Variants in CAMTA1 observed in about 807,000 individuals in gnomAD.
The protein encoded by CAMTA1 is calmodulin binding transcription activator 1, also known as calmodulin-binding transcription activator 1.
A neutral mutation model predicts 170.9 loss-of-function variants in CAMTA1; 27 were observed. The observed-to-expected ratio is 0.16, with a 90% CI of 0.12 to 0.22. CAMTA1 has a LOEUF of 0.22. Ranked by LOEUF, CAMTA1 falls within the 10% of genes least tolerant of loss-of-function variation. The probability of loss-of-function intolerance (pLI) is 1.00; values close to 1 mark genes in which losing one functional copy is unlikely to be tolerated. For synonymous variants in CAMTA1, 833 were observed against 891.5 expected, an observed-to-expected ratio of 0.93 and a Z score of 1.17; for missense variants, 1,619 against 2,217.2, an observed-to-expected ratio of 0.73 and a Z score of 5.42.
At chr1:7,061,973 A>T (rs1708285273) in intron 3 of CAMTA1, among the ~76,000 whole-genome samples, 1 of 152,170 alleles carries the variant, frequency 6.6e-6, no homozygotes, top group South Asian at 2.1e-4. Context: ...GCTGGAGTGA[A>T]GTGGCACGAT....
chr1:7,322,860 T>A (rs1397137299), intron 5 of CAMTA1, among the ~76,000 whole-genome samples: 1 of 152,180 alleles, frequency 6.6e-6, no homozygotes, highest in African/African-American at 2.4e-5. Flanking sequence ...ACTTCATTGA[T>A]CCCTTCTCTT....
chr1:7,150,989 G>A (rs779163216), intron 4 of CAMTA1, among the ~76,000 whole-genome samples: 1 of 152,168 alleles, frequency 6.6e-6, no homozygotes, highest in Non-Finnish European at 1.5e-5. Flanking sequence ...TTGTTTACAG[G>A]GCGAAAATTA....
chr1:7,116,324 G>T (rs763505586), intron 4 of CAMTA1, among the ~76,000 whole-genome samples: 1 of 152,216 alleles, frequency 6.6e-6, no homozygotes, highest in Non-Finnish European at 1.5e-5. Flanking sequence ...ACCTATAAGT[G>T]AGTATGGACT....
At chr1:7,505,015 G>A (rs1049432683) in intron 6 of CAMTA1, among the ~76,000 whole-genome samples, 4 of 151,392 alleles carry the variant, frequency 2.6e-5, no homozygotes, top group Non-Finnish European at 4.4e-5. Flanking sequence ...CTTCACGGGC[G>A]GACATGGCAC....
chr1:7,076,128 A>G (rs1558061349), intron 3 of CAMTA1, among the ~76,000 whole-genome samples: 1 of 152,210 alleles, frequency 6.6e-6, no homozygotes, highest in Non-Finnish European at 1.5e-5. Flanking sequence ...AGGATAATGC[A>G]TCAGGGTTCC....
chr1:6,868,608 C>T lies in CAMTA1; in HGVS notation c.234+43398C>T, dbSNP rs545659618. On this transcript the variant is annotated intron_variant, in intron 3 of 22. Transcript: ENST00000303635. ...GTTTAGTTGAGAAGTGAACCAATTC[C>T]CTGTGCTTAAAGTACTACTCCTTGG... Among the ~76,000 whole-genome samples the T allele has an allele frequency of 6.8e-4, 103 of 152,132 alleles. 3 individuals are homozygous for T. In the South Asian group the frequency reaches 0.021, roughly 31 times the overall value.
intron 3 of CAMTA1, among the ~76,000 whole-genome samples, chr1:7,040,277 C>A (rs1704233186): frequency 6.6e-6 from 1 of 151,778 alleles, no homozygotes; most frequent in Non-Finnish European, 1.5e-5. Flanking sequence ...AATGCCAGGG[C>A]TACAGAGATG....
chr1:7,296,597 C>T (rs12124977), intron 5 of CAMTA1, among the ~76,000 whole-genome samples: 1 of 152,006 alleles, frequency 6.6e-6, no homozygotes, highest in South Asian at 2.1e-4. Flanking sequence ...AGTTGGGTGC[C>T]TAAGAAACTG....
At chr1:7,021,797 T>C (rs931165365) in intron 3 of CAMTA1, among the ~76,000 whole-genome samples, 14 of 152,202 alleles carry the variant, frequency 9.2e-5, no homozygotes, top group African/African-American at 3.4e-4. Context: ...ATATTTAACT[T>C]TTAGAAAAGC....
chr1:6,924,690 C>T (rs958357469), intron 3 of CAMTA1, among the ~76,000 whole-genome samples: 2 of 152,330 alleles, frequency 1.3e-5, no homozygotes, highest in African/African-American at 4.8e-5. Flanking sequence ...AAGCATGTTC[C>T]AGCTTCTTTT....
In CAMTA1 at chr1:6,970,926, C is replaced by T. The variant is rs572888716; in HGVS notation, c.235-120378C>T. Among the ~76,000 whole-genome samples the T allele has an allele frequency of 1.8e-4, 27 of 152,290 alleles. 1 individual carries two copies. The highest frequency in any genetic ancestry group is 1.2e-3 in the South Asian group (6 of 4,820). On this transcript the variant is annotated intron_variant, in intron 3 of 22. Coordinates refer to ENST00000303635, the MANE Select transcript of CAMTA1 (RefSeq NM_015215.4). The surrounding 1 kb of genome is among the most constrained non-coding windows in gnomAD (Gnocchi z 4.4). Reference sequence around the variant, plus strand: ...CAGGGACCACTGCTGTGTCTGTTTCCAGCCTCTCCTTTCCTAAACCAGGCC... The same window carrying T: ...CAGGGACCACTGCTGTGTCTGTTTCTAGCCTCTCCTTTCCTAAACCAGGCC...
chr1:7,712,984 G>C (rs1388270341), intron 11 of CAMTA1, among the ~76,000 whole-genome samples: 2 of 152,164 alleles, frequency 1.3e-5, no homozygotes, highest in Admixed American at 6.5e-5. Context: ...CCTCCGACTG[G>C]GTCCTGTCCA....
rs775294555 is a variant in CAMTA1 at position 7,633,687 on chromosome 1, G to A, written c.511-6713G>A. Among the ~76,000 whole-genome samples the A allele has an allele frequency of 2.0e-4, 31 of 152,336 alleles. No individual in the cohort carries two copies. Among genetic ancestry groups the A allele is most frequent in the African/African-American group, 2.9e-4 (12 of 41,580 alleles). On this transcript the variant is annotated intron_variant, in intron 6 of 22. Transcript: ENST00000303635. The surrounding 1 kb of genome is among the most constrained non-coding windows in gnomAD (Gnocchi z 4.1). ...CTTGGCGGCACCCCGCTATGCCCCC[G>A]GTTTTCAGTAAGTAGGATGGAGCCC...
At chr1:7,015,351 C>T (rs1445950644) in intron 3 of CAMTA1, among the ~76,000 whole-genome samples, 2 of 152,124 alleles carry the variant, frequency 1.3e-5, no homozygotes, top group Admixed American at 6.5e-5. Flanking sequence ...TCCCACTGTC[C>T]ACCCTCACGG....
At chr1:7,407,687 G>A (rs1053261847) in intron 5 of CAMTA1, among the ~76,000 whole-genome samples, 3 of 152,098 alleles carry the variant, frequency 2.0e-5, no homozygotes, top group African/African-American at 4.8e-5. Context: ...TCCGTCCAAC[G>A]CACTGGGGAT....
intron 5 of CAMTA1, among the ~76,000 whole-genome samples, chr1:7,415,869 A>C (rs1053503836): frequency 1.3e-5 from 2 of 152,092 alleles, no homozygotes; most frequent in African/African-American, 2.4e-5. Flanking sequence ...GGTCTTTACA[A>C]TTTGGCATGT....
At chr1:7,103,781 CTA>C (rs1643146163) in intron 4 of CAMTA1, among the ~76,000 whole-genome samples, 2 of 148,662 alleles carry the variant, frequency 1.3e-5, no homozygotes, top group South Asian at 2.2e-4. Context: ...ACACACATAA[CTA>C]CACGTACATA....
chr1:7,311,681 T>C (rs537136637), intron 5 of CAMTA1, among the ~76,000 whole-genome samples: 22 of 152,226 alleles, frequency 1.4e-4, no homozygotes, highest in Non-Finnish European at 2.8e-4. Flanking sequence ...GATGAGACTC[T>C]AGGTCATGTT....
intron 6 of CAMTA1, among the ~76,000 whole-genome samples, chr1:7,602,570 C>T (rs149126667): frequency 0.13 from 20,450 of 151,980 alleles, 1,489 homozygotes; most frequent in African/African-American, 0.15. Flanking sequence ...GTCTTGCTAG[C>T]GGTCTATCAA....
Sources: allele counts gnomAD v4.1 joint callset (sites outside exome capture counted in the v4.1 genomes callset), GRCh38; gene constraint gnomAD v4.1.1; non-coding constraint Gnocchi (gnomAD v3.1); transcripts MANE v1.5; gene names NCBI Gene and HGNC (gene_info 2026-07-23, HGNC 2026-07-21).